The following GRM7 variants were observed in gnomAD, a reference collection of about 807,000 sequenced individuals.
GRM7 encodes glutamate metabotropic receptor 7, also known as metabotropic glutamate receptor 7.
In GRM7, 35 loss-of-function variants were observed where a neutral mutation model predicts 84.5. That is an observed-to-expected ratio of 0.41 (90% CI 0.32 to 0.55). GRM7 has a LOEUF of 0.55. Among genes scored for constraint, GRM7 ranks in the 20% least tolerant of loss-of-function variants. GRM7 has a pLI of 0.19. For missense variants in GRM7, 1,003 were observed against 1,194.6 expected, an observed-to-expected ratio of 0.84 and a Z score of 2.36; for synonymous variants, 487 against 455.1, an observed-to-expected ratio of 1.07 and a Z score of -0.89.
At chr3:7,613,876 A>G (rs1007832317) in intron 8 of GRM7, among the ~76,000 whole-genome samples, 4 of 152,350 alleles carry the variant, frequency 2.6e-5, no homozygotes, top group African/African-American at 9.6e-5. Flanking sequence ...AAGTTTTGAT[A>G]CCACTGTTGT....
chr3:7,519,709 C>T lies in GRM7; in HGVS notation c.1515+57987C>T, dbSNP rs898165709. On this transcript the variant is annotated intron_variant, in intron 7 of 9. Coordinates refer to ENST00000357716, the MANE Select transcript of GRM7 (RefSeq NM_000844.4). ...ACCTTTAGTATAAAAAAGAATTGTT[C>T]TGATGCTTAGTAACTTCAAACAAGA... 2.6e-5 allele frequency: 4 copies of T among 152,186 alleles called. No individual in the cohort carries two copies. In the South Asian group the frequency reaches 8.3e-4, roughly 31 times the overall value. 9.4% of individuals were successfully genotyped at this position (152,186 alleles called of 1,614,324 possible). A position where few individuals can be genotyped will look rare whatever the true frequency, so the allele number is the denominator to read the frequency against.
chr3:7,728,943 T>G (rs1297890094), intron 9 of GRM7, among the ~76,000 whole-genome samples: 1 of 152,186 alleles, frequency 6.6e-6, no homozygotes, highest in Non-Finnish European at 1.5e-5. Flanking sequence ...CTAGCTGGTC[T>G]TCTTTCTTGT....
At position 6,872,583 on chromosome 3, in the gene GRM7, G is replaced by T. The variant is rs1412864393; in HGVS notation, c.519+10676G>T. Among the ~76,000 whole-genome samples the T allele has an allele frequency of 2.6e-5, 4 of 152,162 alleles. No homozygotes were observed. The East Asian group carries it at 7.8e-4, about 29-fold the overall frequency. On this transcript the variant is annotated intron_variant, in intron 1 of 9. Transcript: ENST00000357716. Reference sequence around the variant, plus strand: ...ACCCATCAACTCTTCATCTACATTAGGTATTTCTCCTAATGCTATCCCTCC... The same window carrying T: ...ACCCATCAACTCTTCATCTACATTATGTATTTCTCCTAATGCTATCCCTCC...
chr3:6,960,527 A>G (rs1165683582), intron 1 of GRM7, among the ~76,000 whole-genome samples: 10 of 152,182 alleles, frequency 6.6e-5, no homozygotes, highest in Non-Finnish European at 2.9e-5. Flanking sequence ...AAAAAATCCA[A>G]GCATCCCAGG....
intron 2 of GRM7, among the ~76,000 whole-genome samples, chr3:7,161,338 C>T (rs1423557081): frequency 6.6e-6 from 1 of 151,722 alleles, no homozygotes; most frequent in Non-Finnish European, 1.5e-5. Context: ...GAAATCCTTT[C>T]CCTTTGTGGC....
chr3:7,697,466 C>T (rs1211995147), intron 9 of GRM7, among the ~76,000 whole-genome samples: 2 of 152,036 alleles, frequency 1.3e-5, no homozygotes, highest in African/African-American at 4.8e-5. Flanking sequence ...CCCTTTATAC[C>T]TCAGCATTTC....
chr3:7,469,076 T>C (rs1698583995), intron 7 of GRM7, among the ~76,000 whole-genome samples: 1 of 152,190 alleles, frequency 6.6e-6, no homozygotes, highest in South Asian at 2.1e-4. Flanking sequence ...AGAAATGGCT[T>C]GTTAAATATT....
chr3:7,587,681 G>C (rs1399343999), intron 8 of GRM7, among the ~76,000 whole-genome samples: 1 of 152,174 alleles, frequency 6.6e-6, no homozygotes, highest in Non-Finnish European at 1.5e-5. Context: ...TTGCTTATAA[G>C]TAATGGATTG....
At chr3:7,266,600 C>CT (rs561384757) in intron 2 of GRM7, among the ~76,000 whole-genome samples, 7 of 151,042 alleles carry the variant, frequency 4.6e-5, no homozygotes, top group African/African-American at 7.3e-5. Context: ...AACAAAATGC[C>CT]TTTTTTTTTA....
Position 7,461,719 on chromosome 3 carries a change from C to A in GRM7, c.1512C>A (p.Leu504=). The A allele has an allele frequency of 6.2e-7, 1 of 1,613,562 alleles. No homozygotes were observed. The part of the protein sequence containing the change: ...LIGQWTDELQ[L]NIEDMQWGKG... The stretch of plus-strand genomic sequence containing the variant: ...GGCAGTGGACAGACGAACTTCAGCT[C>A]AATGTGAGTTCTGCTTGCTTCTCTT... Residue 504 remains leucine (L), a synonymous_variant, in exon 7 of 10, where the codon CTC becomes CTA. Transcript: ENST00000357716.
intron 8 of GRM7, among the ~76,000 whole-genome samples, chr3:7,632,664 A>G (rs998837431): frequency 6.6e-6 from 1 of 152,218 alleles, no homozygotes; most frequent in Middle Eastern, 3.2e-3. Context: ...GCAAATCCCT[A>G]AAAAGGTAGT....
intron 5 of GRM7, among the ~76,000 whole-genome samples, chr3:7,447,056 A>G (rs2124881862): frequency 6.6e-6 from 1 of 151,822 alleles, no homozygotes; most frequent in South Asian, 2.1e-4. Flanking sequence ...GACTCTGGGT[A>G]AAAGTAATAA....
At chr3:7,363,302 A>G (rs909339046) in intron 4 of GRM7, among the ~76,000 whole-genome samples, 1 of 152,076 alleles carries the variant, frequency 6.6e-6, no homozygotes, top group East Asian at 1.9e-4. Flanking sequence ...TTTGTTCTGC[A>G]TTAACCACTG....
At chr3:7,297,076 A>G (rs1228866452) in intron 2 of GRM7, among the ~76,000 whole-genome samples, 3 of 152,066 alleles carry the variant, frequency 2.0e-5, no homozygotes, top group Admixed American at 6.6e-5. Context: ...TTTCTCTTAA[A>G]GTGAATGTTT....
intron 1 of GRM7, among the ~76,000 whole-genome samples, chr3:7,102,464 C>T (rs1359344693): frequency 6.6e-6 from 1 of 151,598 alleles, no homozygotes; most frequent in Non-Finnish European, 1.5e-5. Context: ...TTCTCTTTGT[C>T]TTTGGTTTTC....
At chr3:7,721,899 A>T (rs1196338502) in intron 9 of GRM7, among the ~76,000 whole-genome samples, 1 of 152,226 alleles carries the variant, frequency 6.6e-6, no homozygotes, top group Non-Finnish European at 1.5e-5. Flanking sequence ...CTCTCAAAGC[A>T]CAAGATTTCG....
At chr3:7,325,695 A>G (rs903776563) in intron 4 of GRM7, among the ~76,000 whole-genome samples, 2 of 152,212 alleles carry the variant, frequency 1.3e-5, no homozygotes, top group Non-Finnish European at 2.9e-5. Flanking sequence ...CATTCTGGTC[A>G]AAGGTAATTC....
At chr3:6,964,013 CAT>C (rs1430328567) in intron 1 of GRM7, among the ~76,000 whole-genome samples, 1 of 152,174 alleles carries the variant, frequency 6.6e-6, no homozygotes, top group African/African-American at 2.4e-5. Context: ...TTGCTGCCTC[CAT>C]ATTCTCACCA....
intron 7 of GRM7, among the ~76,000 whole-genome samples, chr3:7,547,549 C>T (rs1011840902): frequency 2.0e-5 from 3 of 152,052 alleles, no homozygotes; most frequent in East Asian, 1.9e-4. Context: ...CTTTGGGGCA[C>T]GTAAGAATGT....
Sources: allele counts gnomAD v4.1 joint callset (sites outside exome capture counted in the v4.1 genomes callset), GRCh38; gene constraint gnomAD v4.1.1; transcripts MANE v1.5; gene names NCBI Gene and HGNC (gene_info 2026-07-23, HGNC 2026-07-21).